The following EPS15L1 variants were observed in gnomAD, a reference collection of about 807,000 sequenced individuals.
EPS15L1 encodes epidermal growth factor receptor substrate 15-like 1.
In EPS15L1, 43 loss-of-function variants were observed where a neutral mutation model predicts 117.1. The observed-to-expected ratio is 0.37, with a 90% confidence interval of 0.29 to 0.47. The LOEUF is 0.47. EPS15L1 is among the 20% of genes least tolerant of loss of function. The pLI is 0.99. For synonymous variants in EPS15L1, 459 were observed against 470.5 expected, an observed-to-expected ratio of 0.98 and a Z score of 0.32; for missense variants, 981 against 1,164.0, an observed-to-expected ratio of 0.84 and a Z score of 2.29.
intron 11 of EPS15L1, 105 bp downstream of exon 11, chr19:16,417,843 A>G (rs2092773735): frequency 1.4e-6 from 2 of 1,465,446 alleles, no homozygotes; most frequent in Non-Finnish European, 1.9e-6. Flanking sequence ...CAGGGACCAC[A>G]GGCAGCACCC....
chr19:16,471,909 G>A lies in EPS15L1; in HGVS notation c.33+4C>T, dbSNP rs1191695745. The A allele has an allele frequency of 1.5e-6, 2 of 1,302,382 alleles. No homozygotes were observed. Among genetic ancestry groups the A allele is most frequent in the Admixed American group, 3.8e-5 (1 of 26,282 alleles). The allele number at this position is 1,302,382 out of a possible 1,614,324, so 80.7% of individuals were successfully genotyped here. On this transcript the variant is annotated splice_donor_region_variant and intron_variant, in intron 1 of 23. Transcript: ENST00000455140. This position sits in a 1 kb window ranked among gnomAD's most constrained non-coding sequence, Gnocchi z 4.8. ...CGCCGCCCCCAGGCCCGCCCGGCCC[G>A]TACCTGCTGGGAGAGGGGGATGAGC...
intron 13 of EPS15L1, among the ~76,000 whole-genome samples, chr19:16,409,532 T>A (rs964900570): frequency 6.6e-6 from 1 of 152,114 alleles, no homozygotes; most frequent in Non-Finnish European, 1.5e-5. Flanking sequence ...AAAGACACCA[T>A]CAAGAATGTG....
intron 18 of EPS15L1, among the ~76,000 whole-genome samples, chr19:16,393,077 TATAATAATA>T (rs149019261): frequency 0.17 from 24,878 of 142,306 alleles, 2,258 homozygotes; most frequent in Non-Finnish European, 0.19. Context: ...AGGAGCTGGA[TATAATAATA>T]ATAATAATAA....
rs1010537819 is a variant in EPS15L1, at chr19:16,471,373, T to G, written c.33+540A>C. ...CCCTTCATAAGCGCATCAGGCGAAT[T>G]TGAGGACACAGAGAGGCGCCCGGAG... On this transcript the variant is annotated intron_variant, in intron 1 of 23. Transcript: ENST00000455140. This position sits in a 1 kb window ranked among gnomAD's most constrained non-coding sequence, Gnocchi z 4.8. Among the ~76,000 whole-genome samples, 4 of 152,200 alleles carry G rather than the reference T, an allele frequency of 2.6e-5. No individual in the cohort carries two copies. The highest frequency in any genetic ancestry group is 9.6e-5 in the African/African-American group (4 of 41,460).
intron 21 of EPS15L1, 73 bp from the exon 22 acceptor site, chr19:16,377,327 C>A: frequency 6.4e-7 from 1 of 1,562,168 alleles, no homozygotes; most frequent in Non-Finnish European, 8.7e-7. Flanking sequence ...ACTGAACAGA[C>A]GCTCATGCTC....
chr19:16,456,685 A>C (rs2093200327), intron 1 of EPS15L1, among the ~76,000 whole-genome samples: 1 of 150,714 alleles, frequency 6.6e-6, no homozygotes, highest in African/African-American at 2.4e-5. Context: ...CAAAACAAAC[A>C]AAAAATAGAG....
At chr19:16,374,303 AAT>A (rs935340395) in intron 22 of EPS15L1, among the ~76,000 whole-genome samples, 6 of 152,156 alleles carry the variant, frequency 3.9e-5, no homozygotes, top group African/African-American at 1.4e-4. Context: ...CATCAATGTT[AAT>A]ATATTTCTGC....
intron 1 of EPS15L1, among the ~76,000 whole-genome samples, chr19:16,453,042 T>A (rs1026237861): frequency 6.6e-6 from 1 of 152,010 alleles, no homozygotes; most frequent in Non-Finnish European, 1.5e-5. Context: ...CCTCATGATC[T>A]GCCCGCCTCG....
chr19:16,402,648 C>A (rs910190553), intron 15 of EPS15L1, among the ~76,000 whole-genome samples, 163 bp from the exon 16 acceptor site: 1 of 152,070 alleles, frequency 6.6e-6, no homozygotes, highest in Non-Finnish European at 1.5e-5. Flanking sequence ...CTCAGGAGCT[C>A]CTCCTGCCTC....
At chr19:16,434,695 C>T (rs1283204012) in intron 6 of EPS15L1, 3 of 488,702 alleles carry the variant, frequency 6.1e-6, no homozygotes, top group Non-Finnish European at 1.1e-5. Context: ...ATGGCAACCT[C>T]GGATCTGGGA....
chr19:16,410,619 G>A (rs1489017792), intron 13 of EPS15L1, among the ~76,000 whole-genome samples: 1 of 152,076 alleles, frequency 6.6e-6, no homozygotes, highest in African/African-American at 2.4e-5. Flanking sequence ...GTAAAATGTG[G>A]CCCATCGTGG....
At chr19:16,392,094 G>A (rs2092482100) in intron 19 of EPS15L1, among the ~76,000 whole-genome samples, 1 of 152,160 alleles carries the variant, frequency 6.6e-6, no homozygotes, top group African/African-American at 2.4e-5. Flanking sequence ...GGGCTCACAG[G>A]ATGTCACTGC....
intron 16 of EPS15L1, among the ~76,000 whole-genome samples, chr19:16,397,313 C>T (rs954579761): frequency 2.6e-5 from 4 of 152,182 alleles, no homozygotes; most frequent in Non-Finnish European, 5.9e-5. Context: ...CAGTCTTGAT[C>T]TCCTGACCTC....
At chr19:16,417,737 T>C (rs2144922763) in intron 11 of EPS15L1, 100 bp from the exon 12 acceptor site, 3 of 1,198,512 alleles carry the variant, frequency 2.5e-6, no homozygotes, top group Non-Finnish European at 3.7e-6. Flanking sequence ...ATTGTCCCTT[T>C]AGTACACAGG....
chr19:16,423,096 C>CGA (rs2092834064), intron 9 of EPS15L1, among the ~76,000 whole-genome samples: 1 of 152,072 alleles, frequency 6.6e-6, no homozygotes, highest in Non-Finnish European at 1.5e-5. Flanking sequence ...TCTTCATGAA[C>CGA]GAGTCTCCTG....
At chr19:16,467,227 C>A (rs987753342) in intron 1 of EPS15L1, among the ~76,000 whole-genome samples, 4 of 151,434 alleles carry the variant, frequency 2.6e-5, no homozygotes, top group African/African-American at 9.7e-5. Context: ...TGGCTCACTG[C>A]AACCTCCGCC....
intron 1 of EPS15L1, among the ~76,000 whole-genome samples, chr19:16,444,420 C>CT (rs1192143573): frequency 6.6e-6 from 1 of 152,196 alleles, no homozygotes; most frequent in Non-Finnish European, 1.5e-5. Flanking sequence ...GGCTATCACC[C>CT]TTAGCATCTT....
At chr19:16,415,141 C>T (rs748437356) in intron 12 of EPS15L1, among the ~76,000 whole-genome samples, 1 of 152,178 alleles carries the variant, frequency 6.6e-6, no homozygotes, top group Non-Finnish European at 1.5e-5. Context: ...GTTTAGTGCC[C>T]TTATAAGAAG....
At chr19:16,374,307 T>C (rs1406482653) in intron 22 of EPS15L1, among the ~76,000 whole-genome samples, 1 of 152,128 alleles carries the variant, frequency 6.6e-6, no homozygotes, top group Non-Finnish European at 1.5e-5. Context: ...AATGTTAATA[T>C]ATTTCTGCAG....
Sources: gnomAD v4.1 joint callset for allele counts (sites outside exome capture counted in the v4.1 genomes callset) on GRCh38, gnomAD v4.1.1 for gene constraint, Gnocchi (gnomAD v3.1) non-coding constraint, MANE v1.5 for transcripts, NCBI Gene and HGNC (gene_info 2026-07-23, HGNC 2026-07-21) for gene names.